Variants in ADGRL3 observed in about 807,000 individuals in gnomAD.
ADGRL3 encodes the protein calcium-independent alpha-latrotoxin receptor 3.
ADGRL3 carries 62 observed loss-of-function variants against 153.5 expected under a neutral mutation model. That is an observed-to-expected ratio of 0.40 (90% confidence interval 0.33 to 0.50). The LOEUF (loss-of-function observed/expected upper bound fraction) is 0.50, where lower values mean the gene tolerates loss of function less well. Ranked by LOEUF, ADGRL3 falls within the 20% of genes least tolerant of loss-of-function variation. The pLI is 0.47. For synonymous variants in ADGRL3, 710 were observed against 672.5 expected (o/e 1.06, Z -0.86); for missense variants, 1,641 against 1,859.4 (o/e 0.88, Z 2.16).
rs1176599117 is a variant in ADGRL3 at position 61,857,674 on chromosome 4, T to TCTTTCTTCCTTC, written c.1481-34958_1481-34947dup. Among the ~76,000 whole-genome samples the TCTTTCTTCCTTC allele has an allele frequency of 6.0e-5, 8 of 133,048 alleles. 1 individual carries two copies. Among genetic ancestry groups the TCTTTCTTCCTTC allele is most frequent in the African/African-American group, 1.8e-4 (5 of 27,614 alleles). 87.3% of individuals were successfully genotyped at this position (133,048 alleles called of 152,430 possible). On this transcript the variant is annotated intron_variant, in intron 9 of 26. Transcript: ENST00000683033. ...TTCCTTCCTTCCTTCTTTCTTCCTT[T>TCTTTCTTCCTTC]CTTTCTTCCTTCCTTTCTTCCTTCC... is the stretch of plus-strand genomic sequence containing the variant.
At chr4:61,847,877 ATATATAATATAAAATATAT>A (rs1561352338) in intron 9 of ADGRL3, among the ~76,000 whole-genome samples, 3 of 21,028 alleles carry the variant, frequency 1.4e-4, no homozygotes, top group African/African-American at 2.6e-4. Context: ...AAAATATATT[ATATATAATATAAAATATAT>A]TATATATAAT....
chr4:61,288,225 A>C (rs1224118590), intron 1 of ADGRL3, among the ~76,000 whole-genome samples: 6 of 151,970 alleles, frequency 3.9e-5, no homozygotes, highest in Non-Finnish European at 8.8e-5. Context: ...TATTCCACTA[A>C]ATAGATACTT....
intron 8 of ADGRL3, among the ~76,000 whole-genome samples, chr4:61,777,220 C>A (rs1212141469): frequency 6.6e-6 from 1 of 152,016 alleles, no homozygotes; most frequent in Non-Finnish European, 1.5e-5. Flanking sequence ...GTAGAACCAG[C>A]TACTCGGGAG....
intron 6 of ADGRL3, among the ~76,000 whole-genome samples, chr4:61,696,464 TAA>T (rs1429932795): frequency 3.9e-5 from 6 of 152,278 alleles, no homozygotes; most frequent in Middle Eastern, 3.4e-3. Context: ...ACTATCAGAT[TAA>T]GTCATGATTT....
At chr4:61,536,923 G>A (rs939936760) in intron 4 of ADGRL3, among the ~76,000 whole-genome samples, 1 of 152,012 alleles carries the variant, frequency 6.6e-6, no homozygotes, top group African/African-American at 2.4e-5. Context: ...TTGTCATAGT[G>A]TTGTTAACTA....
intron 17 of ADGRL3, among the ~76,000 whole-genome samples, chr4:61,963,004 G>T (rs1048556958): frequency 1.3e-5 from 2 of 152,006 alleles, no homozygotes; most frequent in Admixed American, 1.3e-4. Context: ...AAACACATGG[G>T]AAAGAGCTTT....
intron 6 of ADGRL3, among the ~76,000 whole-genome samples, chr4:61,693,992 G>A (rs892556228): frequency 6.6e-6 from 1 of 151,944 alleles, no homozygotes; most frequent in Admixed American, 6.6e-5. Context: ...GACTTTTGGT[G>A]ACTTGTAGAA....
At chr4:61,307,187 A>G (rs1578204192) in intron 1 of ADGRL3, among the ~76,000 whole-genome samples, 2 of 152,290 alleles carry the variant, frequency 1.3e-5, no homozygotes, top group Middle Eastern at 3.4e-3. Flanking sequence ...AGTTTTCCCG[A>G]TTACTTTTTC....
intron 8 of ADGRL3, among the ~76,000 whole-genome samples, chr4:61,799,414 TTCTC>T (rs982607086): frequency 2.8e-4 from 43 of 152,166 alleles, no homozygotes; most frequent in African/African-American, 1.0e-3. Context: ...CTCCTCCTCT[TTCTC>T]TTTCTATAAC....
Position 61,763,353 on chromosome 4 carries a change from A to AT in ADGRL3, c.1399+29812dup, listed in dbSNP as rs537127320. On this transcript the variant is annotated intron_variant, in intron 8 of 26. Coordinates refer to ENST00000683033, the MANE Select transcript of ADGRL3 (RefSeq NM_001387552.1). ...CAGGTGTGTGCCACCATGTCCAGCTATTTTTTTTTTTTTAGTAGAGACGGG... is the reference window on the plus strand; with the variant it reads ...CAGGTGTGTGCCACCATGTCCAGCTATTTTTTTTTTTTTTAGTAGAGACGGG... 3.3e-3 allele frequency among the ~76,000 whole-genome samples: 477 copies of AT among 142,484 alleles called. 1 individual carries two copies. Among genetic ancestry groups the AT allele is most frequent in the African/African-American group, 8.2e-3 (320 of 39,118 alleles). The allele number at this position is 142,484 out of a possible 152,430, so 93.5% of individuals were successfully genotyped here. A position where few individuals can be genotyped will look rare whatever the true frequency, so the allele number is the denominator to read the frequency against.
chr4:61,487,837 A>AT (rs1214481614), intron 2 of ADGRL3, among the ~76,000 whole-genome samples: 1 of 152,018 alleles, frequency 6.6e-6, no homozygotes, highest in Admixed American at 6.6e-5. Flanking sequence ...CATGAGGTTC[A>AT]TTTTTTAGTT....
intron 4 of ADGRL3, among the ~76,000 whole-genome samples, chr4:61,536,131 T>C (rs897582280): frequency 5.3e-5 from 8 of 152,102 alleles, no homozygotes; most frequent in Admixed American, 2.6e-4. Context: ...CTTAATGTTG[T>C]TGTTTATCCA....
chr4:61,647,250 C>A (rs534881202), intron 5 of ADGRL3, among the ~76,000 whole-genome samples: 1 of 152,250 alleles, frequency 6.6e-6, no homozygotes, highest in Middle Eastern at 3.4e-3. Context: ...GCGTGGCTCA[C>A]GCTGGGAGCT....
chr4:61,746,583 T>G (rs1032872785), intron 8 of ADGRL3, among the ~76,000 whole-genome samples: 4 of 152,152 alleles, frequency 2.6e-5, no homozygotes, highest in African/African-American at 9.7e-5. Context: ...ACATGGAAAC[T>G]GAACAACCTG....
chr4:61,625,633 CTAA>C (rs1377958779), intron 5 of ADGRL3, among the ~76,000 whole-genome samples: 2 of 151,752 alleles, frequency 1.3e-5, no homozygotes. Context: ...CCTTAGATTC[CTAA>C]TGAGAGGTCA....
intron 17 of ADGRL3, among the ~76,000 whole-genome samples, chr4:61,966,862 AC>A (rs2099008833): frequency 6.6e-6 from 1 of 152,130 alleles, no homozygotes; most frequent in South Asian, 2.1e-4. Flanking sequence ...CATCAGTCAA[AC>A]TACTGTAAAT....
intron 9 of ADGRL3, among the ~76,000 whole-genome samples, chr4:61,867,874 GGA>G (rs1268840773): frequency 2.0e-5 from 3 of 151,710 alleles, no homozygotes; most frequent in African/African-American, 7.3e-5. Flanking sequence ...ATAAATATGT[GGA>G]TTTTTTTATA....
chr4:61,508,209 T>C (rs967241439), intron 3 of ADGRL3, among the ~76,000 whole-genome samples: 1 of 152,178 alleles, frequency 6.6e-6, no homozygotes, highest in African/African-American at 2.4e-5. Context: ...GGTATTTACA[T>C]CACAGTATTA....
At chr4:61,643,290 T>C (rs1369486236) in intron 5 of ADGRL3, among the ~76,000 whole-genome samples, 1 of 151,932 alleles carries the variant, frequency 6.6e-6, no homozygotes, top group Non-Finnish European at 1.5e-5. Context: ...TTCCTTCTCC[T>C]GCCTAATTGC....
Sources: allele counts gnomAD v4.1 joint callset (sites outside exome capture counted in the v4.1 genomes callset), GRCh38; gene constraint gnomAD v4.1.1; transcripts MANE v1.5; gene names NCBI Gene and HGNC (gene_info 2026-07-23, HGNC 2026-07-21).